Variants in RBMS1 observed in about 807,000 individuals in gnomAD.
The protein encoded by RBMS1 is RNA-binding motif, single-stranded-interacting protein 1.
A neutral mutation model predicts 62.3 loss-of-function variants in RBMS1; 17 were observed. The ratio of observed to expected loss-of-function variants is 0.27; its 90% CI spans 0.19 to 0.41. RBMS1 has a LOEUF of 0.41. RBMS1 is among the 10% of genes least tolerant of loss of function. The pLI, the probability that RBMS1 is intolerant of heterozygous loss-of-function variation, is 1.00. For missense variants in RBMS1, 334 were observed against 504.5 expected (o/e 0.66, Z 3.24); for synonymous variants, 172 against 170.0 (o/e 1.01, Z -0.09).
chr2:160,361,135 G>A (rs967272863), intron 2 of RBMS1, among the ~76,000 whole-genome samples: 6 of 152,234 alleles, frequency 3.9e-5, no homozygotes, highest in African/African-American at 1.4e-4. Context: ...AGGGCTGTCT[G>A]TAAAAGACGC....
chr2:160,306,163 A>G (rs1237913400), intron 4 of RBMS1, among the ~76,000 whole-genome samples: 1 of 152,036 alleles, frequency 6.6e-6, no homozygotes, highest in Non-Finnish European at 1.5e-5. Context: ...ATACACATAT[A>G]TATGGAGTAT....
rs563661379 is a variant in RBMS1, at chr2:160,481,393, G to A, written c.75+11896C>T. 2.7e-5 allele frequency among the ~76,000 whole-genome samples: 4 copies of A among 145,716 alleles called. No individual in the cohort carries two copies. In the South Asian group the frequency reaches 8.6e-4, roughly 31 times the overall value. On this transcript the variant is annotated intron_variant, in intron 1 of 13. Transcript: ENST00000348849. ...AAAGAAAAAAATTCACAATCTTAAA[G>A]TAAGCAGATTTCTTAAACAGACACG...
intron 1 of RBMS1, among the ~76,000 whole-genome samples, chr2:160,457,061 A>C (rs1684267436): frequency 6.6e-6 from 1 of 151,888 alleles, no homozygotes; most frequent in Non-Finnish European, 1.5e-5. Flanking sequence ...GTGAATTAGC[A>C]GTAGTATCCT....
At chr2:160,313,055 G>A in intron 4 of RBMS1, 101 bp downstream of exon 4, 1 of 1,106,852 alleles carries the variant, frequency 9.0e-7, no homozygotes, top group Non-Finnish European at 1.3e-6. Flanking sequence ...GTGCTGAGTG[G>A]GATGAAGGGG....
rs1283642582 is a variant in RBMS1, at chr2:160,297,542, C to G, written c.640+3109G>C. Among the ~76,000 whole-genome samples, 2 of 152,232 alleles carry G rather than the reference C, an allele frequency of 1.3e-5. 1 individual carries two copies. The highest frequency in any genetic ancestry group is 3.8e-4 in the East Asian group (2 of 5,198). On this transcript the variant is annotated intron_variant, in intron 6 of 13. Transcript: ENST00000348849. The stretch of plus-strand genomic sequence containing the variant: ...TACAGTTTCTACTTTCAAGGAGCTT[C>G]TAGTTTAGTGGGACTGACACATGTA...
intron 1 of RBMS1, among the ~76,000 whole-genome samples, chr2:160,446,270 G>A (rs1461215004): frequency 1.3e-5 from 2 of 152,154 alleles, no homozygotes; most frequent in African/African-American, 4.8e-5. Flanking sequence ...GTCCCTCCAT[G>A]TTAAGAACCA....
intron 12 of RBMS1, among the ~76,000 whole-genome samples, chr2:160,276,077 G>A (rs1687817921): frequency 1.3e-5 from 2 of 152,098 alleles, no homozygotes; most frequent in African/African-American, 2.4e-5. Flanking sequence ...GCCTCCAGTA[G>A]GGTCTAGGGC....
rs188745971 is a variant in RBMS1 at position 160,318,285 on chromosome 2, A to G, written c.252-58T>C. 70 of 1,478,248 alleles carry G rather than the reference A, an allele frequency of 4.7e-5. 1 individual carries two copies. The East Asian group carries it at 1.8e-3, about 38-fold the overall frequency. 91.6% of individuals were successfully genotyped at this position (1,478,248 alleles called of 1,614,324 possible). A position where few individuals can be genotyped will look rare whatever the true frequency, so the allele number is the denominator to read the frequency against. ...AAGAAAAGAAAGAAAAAGAAGTTAT[A>G]AGGAACCCTTATTAATGCCTAAATC... On this transcript the variant is annotated intron_variant, in intron 2 of 13. Coordinates refer to ENST00000348849, the MANE Select transcript of RBMS1 (RefSeq NM_016836.4).
chr2:160,324,901 T>C (rs952472701), intron 2 of RBMS1, among the ~76,000 whole-genome samples: 49 of 118,780 alleles, frequency 4.1e-4, no homozygotes, highest in Admixed American at 1.2e-3. Context: ...TATATATATA[T>C]ATATATACAC....
chr2:160,492,503 C>A (rs1471071504), intron 1 of RBMS1, among the ~76,000 whole-genome samples: 3 of 152,328 alleles, frequency 2.0e-5, no homozygotes, highest in Admixed American at 6.5e-5. Context: ...CGATCTGTGG[C>A]AAACATATAA....
chr2:160,492,280 C>T (rs1177039618), intron 1 of RBMS1, among the ~76,000 whole-genome samples: 1 of 152,092 alleles, frequency 6.6e-6, no homozygotes, highest in African/African-American at 2.4e-5. Context: ...CGGCTGCTTC[C>T]AAAGCAGTGA....
rs141254006 is a variant in RBMS1, at chr2:160,342,536, T to TTA, written c.252-24311_252-24310dup. On this transcript the variant is annotated intron_variant, in intron 2 of 13. Transcript: ENST00000348849. The stretch of plus-strand genomic sequence containing the variant: ...TTTCAGAAAGGAAAATCAACAGACT[T>TTA]TATATATATATATATGTGTGAAAAA... Among the ~76,000 whole-genome samples, 134 of 150,456 alleles carry TTA rather than the reference T, an allele frequency of 8.9e-4. No homozygotes were observed. The South Asian group carries it at 9.7e-3, about 11-fold the overall frequency.
intron 2 of RBMS1, among the ~76,000 whole-genome samples, chr2:160,335,801 G>A (rs922999066): frequency 1.3e-5 from 2 of 152,086 alleles, no homozygotes; most frequent in Non-Finnish European, 2.9e-5. Flanking sequence ...TTACGGATTG[G>A]TTCCCACAGG....
At chr2:160,332,109 T>G (rs1691309167) in intron 2 of RBMS1, among the ~76,000 whole-genome samples, 1 of 152,184 alleles carries the variant, frequency 6.6e-6, no homozygotes, top group South Asian at 2.1e-4. Context: ...CTAATTATTT[T>G]TGTTTAGTTT....
At chr2:160,451,768 C>T (rs1574077210) in intron 1 of RBMS1, among the ~76,000 whole-genome samples, 3 of 151,986 alleles carry the variant, frequency 2.0e-5, no homozygotes, top group Non-Finnish European at 1.5e-5. Flanking sequence ...GCCACCACTC[C>T]CGGCTAAATT....
At chr2:160,454,038 T>G (rs1437549598) in intron 1 of RBMS1, among the ~76,000 whole-genome samples, 1 of 152,228 alleles carries the variant, frequency 6.6e-6, no homozygotes, top group Non-Finnish European at 1.5e-5. Context: ...GCCCTTGTAA[T>G]GACCTCTATG....
intron 1 of RBMS1, among the ~76,000 whole-genome samples, chr2:160,423,535 C>A (rs1055471662): frequency 2.6e-5 from 4 of 152,206 alleles, no homozygotes; most frequent in African/African-American, 9.7e-5. Context: ...TCCCACTTGT[C>A]CCCACACAAC....
At chr2:160,375,896 GAA>G (rs34226372) in intron 1 of RBMS1, among the ~76,000 whole-genome samples, 2 of 126,962 alleles carry the variant, frequency 1.6e-5, no homozygotes. Context: ...AAAATAAATG[GAA>G]AAAAAAAAAA....
At chr2:160,426,276 AGAAAGAAAGAAAGAAAAGAAAGAAG>A in intron 1 of RBMS1, among the ~76,000 whole-genome samples, 5 of 126,778 alleles carry the variant, frequency 3.9e-5, no homozygotes, top group African/African-American at 1.2e-4. Context: ...AAAGAAAGAA[AGAAAGAAAGAAAGAAAAGAAAGAAG>A]GAAGGAAGGA....
Sources: allele counts gnomAD v4.1 joint callset (sites outside exome capture counted in the v4.1 genomes callset), GRCh38; gene constraint gnomAD v4.1.1; transcripts MANE v1.5; gene names NCBI Gene and HGNC (gene_info 2026-07-23, HGNC 2026-07-21).